Variants in ROBO1 observed in about 807,000 individuals in gnomAD.
The protein encoded by ROBO1 is roundabout homolog 1.
Under a neutral mutation model 195.9 loss-of-function variants are expected in ROBO1, and 149 were observed. The ratio of observed to expected loss-of-function variants is 0.76; its 90% CI spans 0.67 to 0.87. The LOEUF (loss-of-function observed/expected upper bound fraction) is 0.87. Among genes scored for constraint, ROBO1 ranks in the 40% least tolerant of loss-of-function variants. The pLI, the probability that ROBO1 is intolerant of heterozygous loss-of-function variation, is 0.00. For missense variants in ROBO1, 1,933 were observed against 2,068.3 expected (o/e 0.93, Z 1.27); for synonymous variants, 816 against 733.2 (o/e 1.11, Z -1.82).
chr3:79,461,570 G>A (rs1249559544), intron 2 of ROBO1, among the ~76,000 whole-genome samples: 1 of 152,092 alleles, frequency 6.6e-6, no homozygotes, highest in African/African-American at 2.4e-5. Context: ...ATACCATCCT[G>A]ACTCTAATTG....
At chr3:79,396,673 T>C (rs2037167922) in intron 2 of ROBO1, among the ~76,000 whole-genome samples, 1 of 152,140 alleles carries the variant, frequency 6.6e-6, no homozygotes, top group Non-Finnish European at 1.5e-5. Flanking sequence ...CAGCCTGGCA[T>C]ATTTTAGATC....
chr3:79,216,781 T>C (rs1473024637), intron 2 of ROBO1, among the ~76,000 whole-genome samples: 1 of 152,072 alleles, frequency 6.6e-6, no homozygotes, highest in Non-Finnish European at 1.5e-5. Context: ...CTGCCCATTA[T>C]ATTCAGCTGG....
intron 1 of ROBO1, among the ~76,000 whole-genome samples, chr3:79,732,136 A>G: frequency 6.6e-6 from 1 of 152,100 alleles, no homozygotes; most frequent in East Asian, 1.9e-4. Flanking sequence ...ATAAATAATT[A>G]TAATGCATTC....
At chr3:79,298,340 T>G (rs1360619255) in intron 2 of ROBO1, among the ~76,000 whole-genome samples, 5 of 152,158 alleles carry the variant, frequency 3.3e-5, no homozygotes, top group African/African-American at 1.2e-4. Flanking sequence ...TACTGCATTT[T>G]TTTTTCTTTT....
At chr3:78,810,689 A>T (rs1181464749) in intron 4 of ROBO1, among the ~76,000 whole-genome samples, 1 of 151,658 alleles carries the variant, frequency 6.6e-6, no homozygotes, top group Non-Finnish European at 1.5e-5. Context: ...AAAAGTAATC[A>T]CCCTGTAAAA....
intron 3 of ROBO1, among the ~76,000 whole-genome samples, chr3:79,077,030 A>C (rs568595299): frequency 6.6e-6 from 1 of 152,050 alleles, no homozygotes; most frequent in East Asian, 1.9e-4. Context: ...ACTATATTCA[A>C]GGTGTACAAT....
intron 5 of ROBO1, 101 bp downstream of exon 5, chr3:78,746,642 C>T (rs2082663978): frequency 9.9e-7 from 1 of 1,011,390 alleles, no homozygotes; most frequent in Admixed American, 3.0e-5. Context: ...TGACGCAAGC[C>T]TTTATTGAAA....
At chr3:79,199,652 G>A (rs1288550310) in intron 2 of ROBO1, among the ~76,000 whole-genome samples, 2 of 151,462 alleles carry the variant, frequency 1.3e-5, no homozygotes, top group African/African-American at 4.8e-5. Context: ...GGATGCCACA[G>A]TAGTTAAAAT....
intron 3 of ROBO1, among the ~76,000 whole-genome samples, chr3:78,956,203 G>T (rs904049116): frequency 2.0e-5 from 3 of 151,990 alleles, no homozygotes; most frequent in Non-Finnish European, 4.4e-5. Context: ...TTCTAAAGGG[G>T]TAAGTAAATA....
chr3:79,268,605 T>C (rs1397815366), intron 2 of ROBO1, among the ~76,000 whole-genome samples: 2 of 151,666 alleles, frequency 1.3e-5, no homozygotes, highest in Admixed American at 1.3e-4. Context: ...ACACACGCTC[T>C]TGTTTTGATT....
intron 29 of ROBO1, among the ~76,000 whole-genome samples, chr3:78,600,744 C>T (rs923110898): frequency 7.2e-5 from 11 of 152,076 alleles, no homozygotes; most frequent in African/African-American, 1.2e-4. Context: ...CACATGGACA[C>T]GTGAGACAGT....
intron 2 of ROBO1, among the ~76,000 whole-genome samples, chr3:79,246,345 A>C (rs2082623761): frequency 6.6e-6 from 1 of 152,166 alleles, no homozygotes; most frequent in African/African-American, 2.4e-5. Context: ...GTGGCTGATT[A>C]GTTGCAGAGT....
chr3:78,792,405 T>C (rs1368288121), intron 4 of ROBO1, among the ~76,000 whole-genome samples: 1 of 152,194 alleles, frequency 6.6e-6, no homozygotes, highest in African/African-American at 2.4e-5. Flanking sequence ...TAATGTGCCA[T>C]TATTAGATAG....
At chr3:78,993,928 A>G (rs2108076446) in intron 3 of ROBO1, among the ~76,000 whole-genome samples, 1 of 152,228 alleles carries the variant, frequency 6.6e-6, no homozygotes, top group African/African-American at 2.4e-5. Context: ...AGTTATGTGT[A>G]AAAAGGGTGT....
At chr3:78,799,410 C>T (rs958651327) in intron 4 of ROBO1, among the ~76,000 whole-genome samples, 23 of 151,236 alleles carry the variant, frequency 1.5e-4, no homozygotes, top group Non-Finnish European at 2.7e-4. Context: ...GGCACAATCT[C>T]GGCTCACTGC....
intron 4 of ROBO1, among the ~76,000 whole-genome samples, chr3:78,790,008 TATA>T (rs1469959136): frequency 6.6e-6 from 1 of 152,212 alleles, no homozygotes; most frequent in Non-Finnish European, 1.5e-5. Flanking sequence ...AAAGATCTTT[TATA>T]ATAAATTTAA....
intron 3 of ROBO1, among the ~76,000 whole-genome samples, chr3:79,120,511 A>T (rs1187286497): frequency 2.6e-5 from 4 of 152,128 alleles, no homozygotes; most frequent in Admixed American, 2.6e-4. Context: ...TTTCTGGAGG[A>T]CAGGCTTCTT....
intron 4 of ROBO1, among the ~76,000 whole-genome samples, chr3:78,876,648 C>T (rs1358677826): frequency 6.6e-6 from 1 of 152,158 alleles, no homozygotes; most frequent in Non-Finnish European, 1.5e-5. Context: ...TCAAGATACT[C>T]TTAAATAAGC....
At chr3:78,695,201 T>C (rs977009778) in intron 8 of ROBO1, among the ~76,000 whole-genome samples, 3 of 151,980 alleles carry the variant, frequency 2.0e-5, no homozygotes, top group African/African-American at 7.2e-5. Flanking sequence ...CACACCATCA[T>C]GGCACATGTA....
Sources: gnomAD v4.1 joint callset for allele counts (sites outside exome capture counted in the v4.1 genomes callset) on GRCh38, gnomAD v4.1.1 for gene constraint, MANE v1.5 for transcripts, NCBI Gene and HGNC (gene_info 2026-07-23, HGNC 2026-07-21) for gene names.